KCTD16: variants seen among roughly 807,000 people sequenced by gnomAD.
KCTD16 encodes the protein potassium channel tetramerization domain containing 16, also known as BTB/POZ domain-containing protein KCTD16.
In KCTD16, 13 loss-of-function variants were observed where a neutral mutation model predicts 33.2. The ratio of observed to expected loss-of-function variants is 0.39; its 90% CI spans 0.25 to 0.62. The LOEUF (loss-of-function observed/expected upper bound fraction) is 0.62. Among genes scored for constraint, KCTD16 ranks in the 20% least tolerant of loss-of-function variants. The probability of loss-of-function intolerance (pLI) is 0.50; values close to 1 mark genes in which losing one functional copy is unlikely to be tolerated. For missense variants in KCTD16, 441 were observed against 525.1 expected, an observed-to-expected ratio of 0.84 and a Z score of 1.57; for synonymous variants, 197 against 195.3, an observed-to-expected ratio of 1.01 and a Z score of -0.07.
intron 3 of KCTD16, among the ~76,000 whole-genome samples, chr5:144,304,043 C>T (rs544101038): frequency 6.6e-5 from 10 of 152,080 alleles, no homozygotes; most frequent in Non-Finnish European, 1.5e-4. Flanking sequence ...AAACTCCTCC[C>T]CTTCTTTAGG....
intron 3 of KCTD16, among the ~76,000 whole-genome samples, chr5:144,375,792 C>T (rs1447748877): frequency 6.6e-6 from 1 of 152,038 alleles, no homozygotes; most frequent in African/African-American, 2.4e-5. Flanking sequence ...AAACTCCTTC[C>T]CTTCCTTCCC....
chr5:144,467,122 T>C (rs1339065029), intron 3 of KCTD16, among the ~76,000 whole-genome samples: 1 of 144,526 alleles, frequency 6.9e-6, no homozygotes. Flanking sequence ...ACACTATATA[T>C]ATTACATATA....
chr5:144,406,909 C>T (rs996636340), intron 3 of KCTD16, among the ~76,000 whole-genome samples: 1 of 152,114 alleles, frequency 6.6e-6, no homozygotes. Flanking sequence ...TTTATCTTTC[C>T]AGGATTTGGA....
intron 3 of KCTD16, among the ~76,000 whole-genome samples, chr5:144,309,224 C>T (rs183478896): frequency 3.3e-5 from 5 of 152,302 alleles, no homozygotes; most frequent in African/African-American, 1.2e-4. Flanking sequence ...CTGTGCCAAA[C>T]TGCTCAAAGG....
intron 3 of KCTD16, among the ~76,000 whole-genome samples, chr5:144,344,237 A>G (rs1349554685): frequency 6.6e-6 from 1 of 152,170 alleles, no homozygotes; most frequent in African/African-American, 2.4e-5. Flanking sequence ...TAAACGTTAT[A>G]CCTAAAACCG....
intron 3 of KCTD16, among the ~76,000 whole-genome samples, chr5:144,323,158 T>C (rs974807530): frequency 5.3e-5 from 8 of 152,040 alleles, no homozygotes; most frequent in Non-Finnish European, 1.2e-4. Context: ...AGACTGATAG[T>C]GTGAAATAGA....
intron 3 of KCTD16, among the ~76,000 whole-genome samples, chr5:144,248,053 G>A (rs1754598622): frequency 6.6e-6 from 1 of 152,226 alleles, no homozygotes; most frequent in South Asian, 2.1e-4. Context: ...GGCAATGACT[G>A]AGACAGATAA....
At chr5:144,187,894 T>G (rs982038749) in intron 2 of KCTD16, among the ~76,000 whole-genome samples, 2 of 152,214 alleles carry the variant, frequency 1.3e-5, no homozygotes, top group African/African-American at 4.8e-5. Flanking sequence ...CAGGCTGTGA[T>G]TTCATCAAAA....
chr5:144,226,575 T>A (rs561517171), intron 3 of KCTD16, among the ~76,000 whole-genome samples: 1 of 149,610 alleles, frequency 6.7e-6, no homozygotes, highest in Admixed American at 6.6e-5. Context: ...GAAAAAAAAA[T>A]ATGTCTTTTT....
Position 144,206,593 on chromosome 5 carries a change from AGGTCATTTTT to A in KCTD16, c.-121_-112del, listed in dbSNP as rs1753178620. ...GGGGGAAAAATACTGGGATAAGAGG[AGGTCATTTTT>A]TAATAAGTTAGCATCCTTTTCCCTT... On this transcript the variant is annotated 5_prime_UTR_variant, in exon 3 of 4. Transcript: ENST00000512467. The A allele has an allele frequency of 6.4e-6, 5 of 785,934 alleles. No individual in the cohort carries two copies. The South Asian group carries it at 9.5e-5, about 15-fold the overall frequency. 48.7% of individuals were successfully genotyped at this position (785,934 alleles called of 1,614,324 possible).
In KCTD16 at chr5:144,237,391, C is replaced by G. The variant is rs147869665; in HGVS notation, c.832+29845C>G. ...GAGCAGATGGTGCCAGGATTTAAAC[C>G]TATGTTTATCAGATGCAGATGACCC... On this transcript the variant is annotated intron_variant, in intron 3 of 3. Coordinates refer to ENST00000512467, the MANE Select transcript of KCTD16 (RefSeq NM_020768.4). Among the ~76,000 whole-genome samples the G allele has an allele frequency of 1.5e-3, 229 of 152,156 alleles. 2 individuals are homozygous for G. Among genetic ancestry groups the G allele is most frequent in the African/African-American group, 5.1e-3 (210 of 41,516 alleles).
At chr5:144,280,893 A>G (rs1173141590) in intron 3 of KCTD16, among the ~76,000 whole-genome samples, 1 of 150,500 alleles carries the variant, frequency 6.6e-6, no homozygotes, top group Non-Finnish European at 1.5e-5. Context: ...TCTACTAAAC[A>G]AAATACAAAA....
At chr5:144,308,001 A>G (rs1561561714) in intron 3 of KCTD16, among the ~76,000 whole-genome samples, 1 of 152,216 alleles carries the variant, frequency 6.6e-6, no homozygotes, top group African/African-American at 2.4e-5. Context: ...CACATTAATC[A>G]TGCTGACAGA....
chr5:144,359,777 T>TA (rs574902139), intron 3 of KCTD16, among the ~76,000 whole-genome samples: 42 of 151,956 alleles, frequency 2.8e-4, no homozygotes, highest in South Asian at 1.3e-3. Context: ...GGGCCAAAGC[T>TA]AAAAAAACCC....
chr5:144,416,528 A>G (rs892545339), intron 3 of KCTD16, among the ~76,000 whole-genome samples: 4 of 152,078 alleles, frequency 2.6e-5, no homozygotes, highest in Admixed American at 2.6e-4. Context: ...TACTAAAGAT[A>G]CTCTTGGTCC....
At chr5:144,470,116 A>G (rs2126999952) in intron 3 of KCTD16, among the ~76,000 whole-genome samples, 1 of 152,234 alleles carries the variant, frequency 6.6e-6, no homozygotes, top group South Asian at 2.1e-4. Flanking sequence ...ATACATTGCA[A>G]CTTGAAGTAC....
intron 3 of KCTD16, among the ~76,000 whole-genome samples, chr5:144,263,284 G>T (rs909060134): frequency 6.6e-6 from 1 of 152,148 alleles, no homozygotes; most frequent in Non-Finnish European, 1.5e-5. Context: ...GGTGGCAAGG[G>T]CATCAAGATT....
At position 144,345,189 on chromosome 5, in the gene KCTD16, A is replaced by C. The variant is rs1187664530; in HGVS notation, c.833-128471A>C. 5.2e-5 allele frequency among the ~76,000 whole-genome samples: 6 copies of C among 115,238 alleles called. No individual in the cohort carries two copies. The Admixed American group carries it at 7.3e-4, about 14-fold the overall frequency. 75.6% of individuals were successfully genotyped at this position (115,238 alleles called of 152,430 possible). A position where few individuals can be genotyped will look rare whatever the true frequency, so the allele number is the denominator to read the frequency against. On this transcript the variant is annotated intron_variant, in intron 3 of 3. Coordinates refer to ENST00000512467, the MANE Select transcript of KCTD16 (RefSeq NM_020768.4). ...ATGGACACAGGAAGGGGAACATCACACTCTGGGGACTGTTGTGGGGTGGGG... is the reference window on the plus strand; with the variant it reads ...ATGGACACAGGAAGGGGAACATCACCCTCTGGGGACTGTTGTGGGGTGGGG...
intron 3 of KCTD16, among the ~76,000 whole-genome samples, chr5:144,274,920 A>T (rs1186448359): frequency 2.0e-5 from 3 of 152,208 alleles, no homozygotes; most frequent in Non-Finnish European, 4.4e-5. Flanking sequence ...AGTGCTTTTT[A>T]GAGCCAGCTC....
Sources: allele counts gnomAD v4.1 joint callset (sites outside exome capture counted in the v4.1 genomes callset), GRCh38; gene constraint gnomAD v4.1.1; transcripts MANE v1.5; gene names NCBI Gene and HGNC (gene_info 2026-07-23, HGNC 2026-07-21).